The following ANO10 variants were observed in gnomAD, a reference collection of about 807,000 sequenced individuals.
ANO10 encodes anoctamin 10, also known as anoctamin-10.
Under a neutral mutation model 74.7 loss-of-function variants are expected in ANO10, and 77 were observed. That is an observed-to-expected ratio of 1.03 (90% CI 0.86 to 1.25). ANO10 has a LOEUF of 1.25. Ranked by LOEUF, ANO10 falls within the 50% of genes most tolerant of loss-of-function variation. The pLI is 0.00. For synonymous variants in ANO10, 279 were observed against 284.9 expected (o/e 0.98, Z 0.21); for missense variants, 721 against 778.1 (o/e 0.93, Z 0.87).
chr3:43,376,935 C>T (rs896130033), intron 12 of ANO10, among the ~76,000 whole-genome samples: 1 of 152,210 alleles, frequency 6.6e-6, no homozygotes, highest in African/African-American at 2.4e-5. Flanking sequence ...GTATTATCCT[C>T]AGCCCCATGA....
In ANO10 at chr3:43,445,419, TTG is replaced by T. The variant is rs869288755; in HGVS notation, c.1798-12694_1798-12693del. Among the ~76,000 whole-genome samples, 4 of 51,788 alleles carry T rather than the reference TTG, an allele frequency of 7.7e-5. No individual in the cohort carries two copies. The South Asian group carries it at 5.4e-3, about 69-fold the overall frequency. 34.0% of individuals were successfully genotyped at this position (51,788 alleles called of 152,430 possible). The stretch of plus-strand genomic sequence containing the variant: ...GTATATGGGAACTATCAGTTCTAGC[TTG>T]TTAACTTTTCTGTAATCTAAAACTA... On this transcript the variant is annotated intron_variant, in intron 11 of 12. Coordinates refer to ENST00000292246, the MANE Select transcript of ANO10 (RefSeq NM_018075.5).
intron 2 of ANO10, among the ~76,000 whole-genome samples, chr3:43,605,379 A>G (rs2082512471): frequency 6.6e-6 from 1 of 152,186 alleles, no homozygotes; most frequent in Admixed American, 6.5e-5. Context: ...AGAGCATACA[A>G]TAGATACTTG....
At chr3:43,557,357 A>G (rs1234135949) in intron 9 of ANO10, among the ~76,000 whole-genome samples, 1 of 152,166 alleles carries the variant, frequency 6.6e-6, no homozygotes, top group East Asian at 1.9e-4. Flanking sequence ...GAAAAACGGC[A>G]AGGAGGTTGT....
intron 1 of ANO10, among the ~76,000 whole-genome samples, chr3:43,646,933 G>A (rs1342815501): frequency 6.6e-6 from 1 of 152,154 alleles, no homozygotes; most frequent in Non-Finnish European, 1.5e-5. Context: ...GAAGGTGGGG[G>A]TACAACATCT....
At chr3:43,657,868 CTA>C (rs1470685281) in intron 1 of ANO10, among the ~76,000 whole-genome samples, 2 of 152,136 alleles carry the variant, frequency 1.3e-5, no homozygotes, top group African/African-American at 4.8e-5. Flanking sequence ...TTGAAAGCAG[CTA>C]TGTTTTTATT....
In ANO10 at chr3:43,524,079, C is replaced by A. The variant is rs532487788; in HGVS notation, c.1797+25641G>T. ...AGCACAGGGGCTACAGTGGAAGCCA[C>A]GGAGATGAGCAGATGAGTTTAACCA... On this transcript the variant is annotated intron_variant, in intron 11 of 12. Transcript: ENST00000292246. Among the ~76,000 whole-genome samples, 4 of 152,038 alleles carry A rather than the reference C, an allele frequency of 2.6e-5. No homozygotes were observed. In the East Asian group the frequency reaches 7.7e-4, roughly 29 times the overall value.
intron 1 of ANO10, among the ~76,000 whole-genome samples, chr3:43,641,309 AG>A (rs1306013470): frequency 1.3e-5 from 2 of 152,222 alleles, no homozygotes; most frequent in Admixed American, 1.3e-4. Flanking sequence ...CTGTTATGGT[AG>A]ACATATCACT....
At chr3:43,534,454 G>A (rs557958711) in intron 11 of ANO10, among the ~76,000 whole-genome samples, 11 of 152,126 alleles carry the variant, frequency 7.2e-5, no homozygotes, top group Non-Finnish European at 1.3e-4. Flanking sequence ...GCATGTGTGT[G>A]TGCATGTGAA....
intron 11 of ANO10, among the ~76,000 whole-genome samples, chr3:43,532,397 A>G (rs73832616): frequency 0.024 from 3,605 of 152,292 alleles, 146 homozygotes; most frequent in African/African-American, 0.081. Context: ...GTATACATGC[A>G]GGGAGGAGTA....
At chr3:43,498,630 T>C (rs2076994727) in intron 11 of ANO10, among the ~76,000 whole-genome samples, 1 of 152,286 alleles carries the variant, frequency 6.6e-6, no homozygotes, top group Admixed American at 6.5e-5. Context: ...GCCATTCCCT[T>C]CCCTCTACTT....
At chr3:43,484,627 G>A (rs1396828093) in intron 11 of ANO10, among the ~76,000 whole-genome samples, 1 of 152,198 alleles carries the variant, frequency 6.6e-6, no homozygotes, top group Non-Finnish European at 1.5e-5. Flanking sequence ...TGGCAACAAA[G>A]TCTATTTTAT....
chr3:43,669,592 C>A (rs958389292), intron 1 of ANO10, among the ~76,000 whole-genome samples: 1 of 152,178 alleles, frequency 6.6e-6, no homozygotes, highest in Non-Finnish European at 1.5e-5. Flanking sequence ...TGTGAATTCA[C>A]TTCTCTGATG....
intron 1 of ANO10, among the ~76,000 whole-genome samples, chr3:43,661,452 T>C (rs997207352): frequency 1.3e-5 from 2 of 152,174 alleles, no homozygotes; most frequent in African/African-American, 4.8e-5. Flanking sequence ...TGCAAAAACA[T>C]GCCAAATTGT....
At chr3:43,545,384 T>C (rs1274083326) in intron 11 of ANO10, among the ~76,000 whole-genome samples, 1 of 151,842 alleles carries the variant, frequency 6.6e-6, no homozygotes, top group Non-Finnish European at 1.5e-5. Flanking sequence ...GTTTGTTTGT[T>C]TTTTTTTTAG....
At chr3:43,641,218 C>A (rs1337378195) in intron 1 of ANO10, among the ~76,000 whole-genome samples, 1 of 152,172 alleles carries the variant, frequency 6.6e-6, no homozygotes, top group African/African-American at 2.4e-5. Flanking sequence ...AAAAAATTAT[C>A]TGGATTGGGG....
intron 7 of ANO10, among the ~76,000 whole-genome samples, chr3:43,573,529 G>C (rs1484615581): frequency 1.3e-5 from 2 of 152,158 alleles, no homozygotes; most frequent in Non-Finnish European, 2.9e-5. Flanking sequence ...TGGGAGTAAA[G>C]TACACGGACT....
intron 11 of ANO10, among the ~76,000 whole-genome samples, chr3:43,457,530 T>A (rs764643254): frequency 6.6e-6 from 1 of 152,138 alleles, no homozygotes; most frequent in Non-Finnish European, 1.5e-5. Context: ...CTCACTATCA[T>A]GAGAACAGTA....
At chr3:43,410,400 C>T (rs757909570) in intron 12 of ANO10, among the ~76,000 whole-genome samples, 1 of 152,042 alleles carries the variant, frequency 6.6e-6, no homozygotes, top group Non-Finnish European at 1.5e-5. Flanking sequence ...ACTATAGGTA[C>T]GCCCTACCAC....
chr3:43,593,503 CA>C (rs1401219215), intron 4 of ANO10, among the ~76,000 whole-genome samples: 1 of 152,298 alleles, frequency 6.6e-6, no homozygotes, highest in African/African-American at 2.4e-5. Flanking sequence ...CATATCCAGA[CA>C]AACTAAGCTT....
Sources: gnomAD v4.1 joint callset for allele counts (sites outside exome capture counted in the v4.1 genomes callset) on GRCh38, gnomAD v4.1.1 for gene constraint, MANE v1.5 for transcripts, NCBI Gene and HGNC (gene_info 2026-07-23, HGNC 2026-07-21) for gene names.